The following SLC8A3 variants were observed in gnomAD, a reference collection of about 807,000 sequenced individuals.
The protein encoded by SLC8A3 is solute carrier family 8 member A3, also known as sodium/calcium exchanger 3.
A neutral mutation model predicts 65.4 loss-of-function variants in SLC8A3; 37 were observed. The ratio of observed to expected loss-of-function variants is 0.57; its 90% CI spans 0.44 to 0.74. The LOEUF is 0.74. SLC8A3 is among the 30% of genes least tolerant of loss of function. The probability of loss-of-function intolerance (pLI) is 0.00; values close to 1 mark genes in which losing one functional copy is unlikely to be tolerated. For synonymous variants in SLC8A3, 461 were observed against 444.5 expected (o/e 1.04, Z -0.47); for missense variants, 1,112 against 1,172.1 (o/e 0.95, Z 0.75).
intron 2 of SLC8A3, among the ~76,000 whole-genome samples, chr14:70,138,824 T>C (rs991530260): frequency 6.6e-6 from 1 of 152,212 alleles, no homozygotes; most frequent in Non-Finnish European, 1.5e-5. Flanking sequence ...CTCAGTGCTG[T>C]TTATCTTACT....
chr14:70,174,667 T>TG (rs1566833566), intron 1 of SLC8A3, among the ~76,000 whole-genome samples: 17 of 92,784 alleles, frequency 1.8e-4, no homozygotes, highest in Non-Finnish European at 3.9e-4. Flanking sequence ...TTTTTGTTTT[T>TG]TTTTTTTTTT....
chr14:70,057,855 G>C (rs1031445414), intron 3 of SLC8A3, among the ~76,000 whole-genome samples: 3 of 152,064 alleles, frequency 2.0e-5, no homozygotes, highest in Non-Finnish European at 2.9e-5. Context: ...CACGGTTGTC[G>C]AAAAAGGAGG....
intron 2 of SLC8A3, among the ~76,000 whole-genome samples, chr14:70,067,194 C>G (rs1013401528): frequency 6.6e-6 from 1 of 152,176 alleles, no homozygotes; most frequent in Non-Finnish European, 1.5e-5. Flanking sequence ...CGCTCTTCAC[C>G]GGGGTCTGTG....
chr14:70,147,093 T>A (rs1594758383), intron 2 of SLC8A3, among the ~76,000 whole-genome samples: 1 of 152,196 alleles, frequency 6.6e-6, no homozygotes, highest in South Asian at 2.1e-4. Flanking sequence ...ATAACTGCTA[T>A]GAATAATGAG....
chr14:70,135,659 A>G (rs1319377451), intron 2 of SLC8A3, among the ~76,000 whole-genome samples: 6 of 151,976 alleles, frequency 3.9e-5, no homozygotes, highest in Non-Finnish European at 8.8e-5. Context: ...CAAACACTGC[A>G]TAGTCTCACT....
At chr14:70,121,134 A>G (rs988102426) in intron 2 of SLC8A3, among the ~76,000 whole-genome samples, 7 of 150,656 alleles carry the variant, frequency 4.6e-5, no homozygotes, top group Non-Finnish European at 1.0e-4. Flanking sequence ...TGCATTTTAG[A>G]CCCCCCCCAA....
intron 2 of SLC8A3, among the ~76,000 whole-genome samples, chr14:70,135,820 A>G (rs1895160730): frequency 6.6e-6 from 1 of 152,224 alleles, no homozygotes. Context: ...AGAAGGAATA[A>G]GTTCTAGTAT....
At position 70,045,866 on chromosome 14, in the gene SLC8A3, C is replaced by T. The variant is rs369555981; in HGVS notation, c.*81G>A. Reference sequence around the variant, plus strand: ...TGCTGCCTCTCCAGGGCAGTGCAGTCGGGAGAGATCACTGGTGGGGAAGTG... The same window carrying T: ...TGCTGCCTCTCCAGGGCAGTGCAGTTGGGAGAGATCACTGGTGGGGAAGTG... On this transcript the variant is annotated 3_prime_UTR_variant, in exon 7 of 7. Coordinates refer to ENST00000356921, the MANE Select transcript of SLC8A3 (RefSeq NM_182932.3). 1.5e-3 allele frequency: 2,016 copies of T among 1,367,454 alleles called. 38 individuals are homozygous for T. The South Asian group carries it at 0.028, about 19-fold the overall frequency. The allele number at this position is 1,367,454 out of a possible 1,614,324, so 84.7% of individuals were successfully genotyped here.
chr14:70,157,990 C>T (rs749230872), intron 2 of SLC8A3, among the ~76,000 whole-genome samples: 2 of 152,018 alleles, frequency 1.3e-5, no homozygotes, highest in Non-Finnish European at 2.9e-5. Flanking sequence ...AGCACAGATG[C>T]CAATAGTGTG....
chr14:70,178,669 C>T (rs1054331345), intron 1 of SLC8A3, among the ~76,000 whole-genome samples: 1 of 152,140 alleles, frequency 6.6e-6, no homozygotes, highest in Non-Finnish European at 1.5e-5. Context: ...AAGTATTGGT[C>T]GAGTACTTAC....
At chr14:70,067,731 T>C (rs954287427) in intron 2 of SLC8A3, among the ~76,000 whole-genome samples, 1 of 152,160 alleles carries the variant, frequency 6.6e-6, no homozygotes, top group Non-Finnish European at 1.5e-5. Context: ...CAAACCTAGA[T>C]CCCCAGTTTA....
chr14:70,085,991 C>T (rs1206964111), intron 2 of SLC8A3, among the ~76,000 whole-genome samples: 2 of 152,170 alleles, frequency 1.3e-5, no homozygotes, highest in African/African-American at 4.8e-5. Flanking sequence ...TAGTGCATGT[C>T]CTTAACCACT....
chr14:70,080,640 G>C (rs1169156348), intron 2 of SLC8A3, among the ~76,000 whole-genome samples: 1 of 152,178 alleles, frequency 6.6e-6, no homozygotes, highest in African/African-American at 2.4e-5. Context: ...TCCTTCACAG[G>C]AAGAAAGTCC....
At chr14:70,172,987 C>A (rs745463185) in intron 1 of SLC8A3, among the ~76,000 whole-genome samples, 21 of 152,138 alleles carry the variant, frequency 1.4e-4, no homozygotes, top group Non-Finnish European at 2.4e-4. Context: ...GAAAAGGCTG[C>A]TGTGGGCGTG....
intron 2 of SLC8A3, among the ~76,000 whole-genome samples, chr14:70,151,612 T>G (rs1024198321): frequency 6.6e-6 from 1 of 152,232 alleles, no homozygotes; most frequent in African/African-American, 2.4e-5. Flanking sequence ...GTAGGCATTG[T>G]GCAGGTTGTA....
chr14:70,130,401 T>C (rs1249558212), intron 2 of SLC8A3, among the ~76,000 whole-genome samples: 1 of 152,218 alleles, frequency 6.6e-6, no homozygotes, highest in Non-Finnish European at 1.5e-5. Context: ...GTCCTGTGCA[T>C]GCACGTGTGT....
chr14:70,154,449 T>A (rs1223913777), intron 2 of SLC8A3, among the ~76,000 whole-genome samples: 3 of 152,214 alleles, frequency 2.0e-5, no homozygotes, highest in Non-Finnish European at 4.4e-5. Flanking sequence ...AATGCATTAA[T>A]ACAACATGCA....
intron 5 of SLC8A3, among the ~76,000 whole-genome samples, 176 bp from the exon 6 acceptor site, chr14:70,049,218 T>C (rs1317464276): frequency 1.3e-5 from 2 of 152,166 alleles, no homozygotes; most frequent in African/African-American, 4.8e-5. Context: ...GGAAACAATT[T>C]GGGCTGCCTC....
chr14:70,140,024 C>T (rs562856047), intron 2 of SLC8A3, among the ~76,000 whole-genome samples: 2 of 152,086 alleles, frequency 1.3e-5, no homozygotes, highest in Non-Finnish European at 2.9e-5. Context: ...TGTGGTTTTG[C>T]CATGACTTTT....
Sources: allele counts gnomAD v4.1 joint callset (sites outside exome capture counted in the v4.1 genomes callset), GRCh38; gene constraint gnomAD v4.1.1; transcripts MANE v1.5; gene names NCBI Gene and HGNC (gene_info 2026-07-23, HGNC 2026-07-21).